The following MAGI2 variants were observed in gnomAD, a reference collection of about 807,000 sequenced individuals.
MAGI2 encodes the protein membrane-associated guanylate kinase, WW and PDZ domain-containing protein 2.
A neutral mutation model predicts 133.3 loss-of-function variants in MAGI2; 35 were observed. The ratio of observed to expected loss-of-function variants is 0.26; its 90% CI spans 0.20 to 0.35. MAGI2 has a LOEUF of 0.35. Among genes scored for constraint, MAGI2 ranks in the 10% least tolerant of loss-of-function variants. The pLI is 1.00. For missense variants in MAGI2, 1,636 were observed against 1,863.4 expected, an observed-to-expected ratio of 0.88 and a Z score of 2.25; for synonymous variants, 729 against 710.6, an observed-to-expected ratio of 1.03 and a Z score of -0.41.
intron 2 of MAGI2, among the ~76,000 whole-genome samples, chr7:78,955,932 C>T (rs1253294672): frequency 1.3e-5 from 2 of 151,860 alleles, no homozygotes; most frequent in African/African-American, 4.8e-5. Context: ...AGAAACTACC[C>T]AAAGATGCCT....
chr7:78,349,820 GC>G (rs1791310595), intron 7 of MAGI2, among the ~76,000 whole-genome samples: 2 of 152,134 alleles, frequency 1.3e-5, no homozygotes, highest in Admixed American at 1.3e-4. Context: ...TCTTCCTTAT[GC>G]TTCCAAAATG....
intron 2 of MAGI2, among the ~76,000 whole-genome samples, chr7:78,663,998 G>A (rs927527885): frequency 6.6e-6 from 1 of 152,076 alleles, no homozygotes; most frequent in Non-Finnish European, 1.5e-5. Context: ...TAATCACTGG[G>A]TGCTATCAGG....
In MAGI2 at chr7:79,318,242, A is replaced by G. The variant is rs1838895425; in HGVS notation, c.301+134778T>C. ...CATTTGGATACATAGTTAAAACATC[A>G]TTTATAAAATGTCAACACCACAACA... On this transcript the variant is annotated intron_variant, in intron 1 of 21. Coordinates refer to ENST00000354212, the MANE Select transcript of MAGI2 (RefSeq NM_012301.4). 2.6e-5 allele frequency among the ~76,000 whole-genome samples: 4 copies of G among 152,220 alleles called. No homozygotes were observed. The South Asian group carries it at 8.3e-4, about 32-fold the overall frequency.
intron 6 of MAGI2, among the ~76,000 whole-genome samples, chr7:78,378,406 T>C (rs1243826694): frequency 1.3e-5 from 2 of 152,076 alleles, no homozygotes; most frequent in African/African-American, 4.8e-5. Context: ...AGTGTTGTCA[T>C]ATAGCCGGAA....
At chr7:78,466,871 C>A (rs531789804) in intron 6 of MAGI2, among the ~76,000 whole-genome samples, 1 of 152,288 alleles carries the variant, frequency 6.6e-6, no homozygotes, top group Admixed American at 6.5e-5. Context: ...TCACTCACTG[C>A]ATCCTGTTCT....
Position 79,340,495 on chromosome 7 carries a change from G to A in MAGI2, c.301+112525C>T, listed in dbSNP as rs780575102. On this transcript the variant is annotated intron_variant, in intron 1 of 21. Coordinates refer to ENST00000354212, the MANE Select transcript of MAGI2 (RefSeq NM_012301.4). ...GCTTTATTACAATATTCAATGCATA[G>A]TAAAACTTTAGGTGACAGCTTTCAT... Among the ~76,000 whole-genome samples, 62 of 152,034 alleles carry A rather than the reference G, an allele frequency of 4.1e-4. 1 individual carries two copies. Among genetic ancestry groups the A allele is most frequent in the Admixed American group, 1.1e-3 (17 of 15,226 alleles).
intron 20 of MAGI2, among the ~76,000 whole-genome samples, chr7:78,110,417 G>A (rs182784303): frequency 3.5e-4 from 53 of 152,246 alleles, no homozygotes; most frequent in African/African-American, 1.2e-3. Context: ...ACAACAACTC[G>A]TGACTGGTCT....
chr7:78,342,039 G>A (rs1790433226), intron 9 of MAGI2, among the ~76,000 whole-genome samples: 1 of 152,008 alleles, frequency 6.6e-6, no homozygotes, highest in Non-Finnish European at 1.5e-5. Context: ...CAGAATGGGA[G>A]AAAGTTTTTG....
At chr7:78,380,590 G>A (rs544827538) in intron 6 of MAGI2, among the ~76,000 whole-genome samples, 2 of 152,234 alleles carry the variant, frequency 1.3e-5, no homozygotes, top group Non-Finnish European at 1.5e-5. Context: ...ATGGTTACCA[G>A]AGGCTGGTAA....
chr7:78,667,189 ATCT>A (rs746365279), intron 2 of MAGI2, among the ~76,000 whole-genome samples: 10 of 152,018 alleles, frequency 6.6e-5, no homozygotes, highest in Non-Finnish European at 1.5e-4. Context: ...AATATAGAAC[ATCT>A]TCTTCACAAC....
At position 78,178,083 on chromosome 7, in the gene MAGI2, C is replaced by G. The variant is rs751267896; in HGVS notation, c.2331G>C (p.Leu777Phe). The G allele has an allele frequency of 3.7e-6, 6 of 1,612,396 alleles. No individual in the cohort carries two copies. The highest frequency in any genetic ancestry group is 1.3e-5 in the African/African-American group (1 of 74,852). ...MDSSGPDYKELDVHLRRMESG... is the reference protein window; with the variant it reads ...MDSSGPDYKEFDVHLRRMESG... ...ACTCCATCCTCCGAAGATGAACATCCAATTCCTTATAATCTGGACCTGGCA... is the reference window on the plus strand; with the variant it reads ...ACTCCATCCTCCGAAGATGAACATCGAATTCCTTATAATCTGGACCTGGCA... Residue 777 changes from leucine (L) to phenylalanine (F), a missense_variant, in exon 14 of 22, where the codon TTG becomes TTC. Transcript: ENST00000354212.
intron 12 of MAGI2, among the ~76,000 whole-genome samples, chr7:78,186,190 G>C (rs2150709328): frequency 6.6e-6 from 1 of 152,166 alleles, no homozygotes; most frequent in East Asian, 1.9e-4. Context: ...AGTTAAATTG[G>C]TTTATTTTAG....
intron 9 of MAGI2, among the ~76,000 whole-genome samples, chr7:78,289,039 C>A (rs993324663): frequency 6.6e-6 from 1 of 152,124 alleles, no homozygotes; most frequent in South Asian, 2.1e-4. Context: ...AGAATCAGAG[C>A]GCCTCTTTTC....
intron 2 of MAGI2, among the ~76,000 whole-genome samples, chr7:78,636,804 C>CA (rs1157401772): frequency 4.0e-5 from 6 of 151,838 alleles, no homozygotes; most frequent in African/African-American, 7.2e-5. Flanking sequence ...TCTCAAAAAA[C>CA]AAAAAAACCA....
intron 1 of MAGI2, among the ~76,000 whole-genome samples, chr7:79,304,244 G>A (rs1274536966): frequency 2.1e-5 from 2 of 94,918 alleles, no homozygotes; most frequent in African/African-American, 1.0e-4. Flanking sequence ...GATTTCTAGA[G>A]GTTAAAGCCG....
intron 6 of MAGI2, among the ~76,000 whole-genome samples, chr7:78,470,495 T>C (rs759294841): frequency 1.1e-4 from 17 of 152,258 alleles, no homozygotes; most frequent in Non-Finnish European, 2.5e-4. Flanking sequence ...TAAAAGATCC[T>C]GTATGTTTTT....
chr7:78,036,686 A>G (rs942727517), intron 21 of MAGI2, among the ~76,000 whole-genome samples: 1 of 151,950 alleles, frequency 6.6e-6, no homozygotes, highest in African/African-American at 2.4e-5. Flanking sequence ...TAGTGATCAT[A>G]GCTCACTGCA....
At chr7:78,419,435 A>C (rs544820226) in intron 6 of MAGI2, among the ~76,000 whole-genome samples, 3 of 152,096 alleles carry the variant, frequency 2.0e-5, no homozygotes, top group East Asian at 3.9e-4. Context: ...AGGACTAATA[A>C]GGACAATGAA....
chr7:78,432,623 G>T (rs1799908662), intron 6 of MAGI2, among the ~76,000 whole-genome samples: 1 of 151,834 alleles, frequency 6.6e-6, no homozygotes, highest in Non-Finnish European at 1.5e-5. Context: ...AATCACCTCT[G>T]GTACAACTAC....
Sources: allele counts gnomAD v4.1 joint callset (sites outside exome capture counted in the v4.1 genomes callset), GRCh38; gene constraint gnomAD v4.1.1; transcripts MANE v1.5; gene names NCBI Gene and HGNC (gene_info 2026-07-23, HGNC 2026-07-21).